Variants in CNBD1 observed in about 807,000 individuals in gnomAD.
CNBD1 encodes cyclic nucleotide-binding domain-containing protein 1.
Under a neutral mutation model 54.4 loss-of-function variants are expected in CNBD1, and 71 were observed. The observed-to-expected ratio is 1.30, with a 90% CI of 1.08 to 1.59. CNBD1 has a LOEUF of 1.59. Ranked by LOEUF, CNBD1 falls within the 40% of genes most tolerant of loss-of-function variation. The probability of loss-of-function intolerance (pLI) is 0.00; values close to 1 mark genes in which losing one functional copy is unlikely to be tolerated. For synonymous variants in CNBD1, 182 were observed against 170.7 expected (o/e 1.07, Z -0.51); for missense variants, 659 against 518.0 (o/e 1.27, Z -2.64).
chr8:87,320,283 A>G (rs1440433167), intron 8 of CNBD1, among the ~76,000 whole-genome samples: 1 of 152,126 alleles, frequency 6.6e-6, no homozygotes, highest in East Asian at 1.9e-4. Flanking sequence ...TAGGAGTTGC[A>G]TCCTAATCAC....
intron 4 of CNBD1, among the ~76,000 whole-genome samples, chr8:87,179,092 GT>G (rs1280011297): frequency 6.6e-6 from 1 of 152,100 alleles, no homozygotes; most frequent in African/African-American, 2.4e-5. Flanking sequence ...TGTATTTTTA[GT>G]AGAGATGGGG....
At chr8:86,972,773 G>C (rs1384863452) in intron 4 of CNBD1, among the ~76,000 whole-genome samples, 1 of 152,164 alleles carries the variant, frequency 6.6e-6, no homozygotes, top group Non-Finnish European at 1.5e-5. Flanking sequence ...TGAAAAGAGG[G>C]TGAGGTCTGA....
intron 3 of CNBD1, among the ~76,000 whole-genome samples, chr8:86,931,294 T>G (rs1809453412): frequency 6.6e-6 from 1 of 152,146 alleles, no homozygotes; most frequent in African/African-American, 2.4e-5. Flanking sequence ...TAAACTTACC[T>G]GGGGCTCAGT....
At chr8:87,057,293 T>A (rs1212342583) in intron 4 of CNBD1, among the ~76,000 whole-genome samples, 8 of 152,142 alleles carry the variant, frequency 5.3e-5, no homozygotes, top group Non-Finnish European at 8.8e-5. Context: ...CTTCTTCACA[T>A]GGCAGCAGGA....
chr8:87,337,872 C>T (rs1809980317), intron 8 of CNBD1, among the ~76,000 whole-genome samples: 1 of 152,166 alleles, frequency 6.6e-6, no homozygotes, highest in Non-Finnish European at 1.5e-5. Context: ...TTGTATCTTT[C>T]CAATGGGATT....
intron 4 of CNBD1, among the ~76,000 whole-genome samples, chr8:87,040,510 G>A (rs936545488): frequency 1.4e-5 from 2 of 145,770 alleles, no homozygotes; most frequent in Middle Eastern, 3.4e-3. Context: ...TACAAGCTCC[G>A]CCTTCCAGGT....
intron 4 of CNBD1, among the ~76,000 whole-genome samples, chr8:87,020,519 C>T (rs1809463853): frequency 6.6e-6 from 1 of 151,616 alleles, no homozygotes; most frequent in Non-Finnish European, 1.5e-5. Flanking sequence ...AAGGACTAAG[C>T]TCTTATTTTT....
intron 10 of CNBD1, among the ~76,000 whole-genome samples, chr8:87,360,468 T>TC (rs1354553768): frequency 3.3e-5 from 5 of 151,868 alleles, no homozygotes; most frequent in African/African-American, 9.7e-5. Context: ...CCTCTGTTTT[T>TC]CACATGCTAC....
At chr8:87,251,135 T>A (rs1471920777) in intron 6 of CNBD1, among the ~76,000 whole-genome samples, 1 of 151,866 alleles carries the variant, frequency 6.6e-6, no homozygotes, top group African/African-American at 2.4e-5. Context: ...AATTAAAAAA[T>A]TAAAATTAAA....
At chr8:87,259,936 A>C (rs1397575202) in intron 6 of CNBD1, among the ~76,000 whole-genome samples, 1 of 152,186 alleles carries the variant, frequency 6.6e-6, no homozygotes, top group African/African-American at 2.4e-5. Context: ...ACTTTACGAA[A>C]GGTAACCTTC....
At chr8:87,238,222 G>C (rs575592702) in intron 6 of CNBD1, among the ~76,000 whole-genome samples, 26 of 152,072 alleles carry the variant, frequency 1.7e-4, no homozygotes, top group African/African-American at 4.6e-4. Flanking sequence ...TGGCCAGAGT[G>C]GGGGAAAGGG....
chr8:87,114,934 C>A (rs959978686), intron 4 of CNBD1, among the ~76,000 whole-genome samples: 1 of 152,094 alleles, frequency 6.6e-6, no homozygotes, highest in African/African-American at 2.4e-5. Context: ...AAGCATATTT[C>A]TTTTATGCTT....
chr8:87,023,364 C>T (rs185628889), intron 4 of CNBD1, among the ~76,000 whole-genome samples: 2 of 152,168 alleles, frequency 1.3e-5, no homozygotes, highest in East Asian at 3.9e-4. Context: ...AAATAATAAT[C>T]TAGTGTAATT....
intron 6 of CNBD1, among the ~76,000 whole-genome samples, chr8:87,240,437 A>G (rs1228503417): frequency 6.6e-6 from 1 of 152,120 alleles, no homozygotes; most frequent in Non-Finnish European, 1.5e-5. Flanking sequence ...GTGGTGTAGT[A>G]TTACTCTTCC....
Position 87,336,196 on chromosome 8 carries a change from G to A in CNBD1, c.1043-15489G>A, listed in dbSNP as rs750011033. Among the ~76,000 whole-genome samples the A allele has an allele frequency of 1.0e-3, 156 of 152,070 alleles. 2 individuals carry two copies. Among genetic ancestry groups the A allele is most frequent in the Admixed American group, 9.8e-3 (150 of 15,266 alleles). On this transcript the variant is annotated intron_variant, in intron 8 of 10. Coordinates refer to ENST00000518476, the MANE Select transcript of CNBD1 (RefSeq NM_173538.3). Reference sequence around the variant, plus strand: ...GTCTTGGGGTTGATCTTCTCATGGAGTGTCTTAGTGGAGTTCTCTTTATTT... The same window carrying A: ...GTCTTGGGGTTGATCTTCTCATGGAATGTCTTAGTGGAGTTCTCTTTATTT...
chr8:86,940,326 C>T (rs146428419), intron 4 of CNBD1, among the ~76,000 whole-genome samples: 3,248 of 151,974 alleles, frequency 0.021, 110 homozygotes, highest in African/African-American at 0.075. Flanking sequence ...GCCACCACGC[C>T]TGGCTAATTT....
chr8:87,083,703 C>T (rs535076546), intron 4 of CNBD1, among the ~76,000 whole-genome samples: 1 of 151,586 alleles, frequency 6.6e-6, no homozygotes, highest in East Asian at 1.9e-4. Context: ...ATTCTCCTGC[C>T]TCAGCCTCCC....
chr8:87,292,705 T>TA (rs1808809682), intron 8 of CNBD1, among the ~76,000 whole-genome samples: 1 of 152,192 alleles, frequency 6.6e-6, no homozygotes, highest in African/African-American at 2.4e-5. Context: ...GAATCCTTTG[T>TA]AAAAGTTTTA....
Position 87,166,151 on chromosome 8 carries a change from C to CT in CNBD1, c.432-39842_432-39841insT, listed in dbSNP as rs1289399358. Among the ~76,000 whole-genome samples, 1 of 151,894 alleles carries CT rather than the reference C, an allele frequency of 6.6e-6. No homozygotes were observed. The highest frequency in any genetic ancestry group is 1.5e-5 in the Non-Finnish European group (1 of 67,896). On this transcript the variant is annotated intron_variant, in intron 4 of 10. Transcript: ENST00000518476. This position sits in a 1 kb window ranked among gnomAD's most constrained non-coding sequence, Gnocchi z 4.3. ...AAAACCTCTTAAACTGTTCTTTTTC[C>CT]CTTCCTCTCTCTCAATAAATGAGAC...
Sources: gnomAD v4.1 joint callset for allele counts (sites outside exome capture counted in the v4.1 genomes callset) on GRCh38, gnomAD v4.1.1 for gene constraint, Gnocchi (gnomAD v3.1) non-coding constraint, MANE v1.5 for transcripts, NCBI Gene and HGNC (gene_info 2026-07-23, HGNC 2026-07-21) for gene names.